COL4A3: variants seen among roughly 807,000 people sequenced by gnomAD.
COL4A3 encodes collagen type IV alpha 3 chain.
Under a neutral mutation model 217.4 loss-of-function variants are expected in COL4A3, and 135 were observed. The ratio of observed to expected loss-of-function variants is 0.62; its 90% CI spans 0.54 to 0.72. The LOEUF (loss-of-function observed/expected upper bound fraction) is 0.72. COL4A3 is among the 30% of genes least tolerant of loss of function. The pLI, the probability that COL4A3 is intolerant of heterozygous loss-of-function variation, is 0.00. For synonymous variants in COL4A3, 690 were observed against 736.3 expected, an observed-to-expected ratio of 0.94 and a Z score of 1.02; for missense variants, 1,868 against 2,119.9, an observed-to-expected ratio of 0.88 and a Z score of 2.33.
rs1189547582 is a variant in COL4A3, at chr2:227,266,975, A to G, written c.1409-18A>G. ...TCAATGTAGCTTTTTAAGTAATGCT[A>G]GTATGCTCTCATTGCAGGAGAACCA... On this transcript the variant is annotated intron_variant, in intron 22 of 51. Coordinates refer to ENST00000396578, the MANE Select transcript of COL4A3 (RefSeq NM_000091.5). 6.5e-7 allele frequency: 1 copy of G among 1,549,460 alleles called. No homozygotes were observed. The highest frequency in any genetic ancestry group is 1.1e-5 in the South Asian group (1 of 89,652).
chr2:227,276,553 C>G (rs1243415647), intron 27 of COL4A3, 76 bp downstream of exon 27: 1 of 1,120,276 alleles, frequency 8.9e-7, no homozygotes, highest in Admixed American at 1.8e-5. Flanking sequence ...AAAATACTGT[C>G]CCCATTATAA....
chr2:227,223,857 A>G (rs1261808240), intron 1 of COL4A3, among the ~76,000 whole-genome samples: 2 of 152,218 alleles, frequency 1.3e-5, no homozygotes, highest in Non-Finnish European at 2.9e-5. Context: ...TATTAATTAG[A>G]TAGTGTCTAT....
rs2070232910 is a variant in COL4A3 at position 227,257,186 on chromosome 2, T to C, written c.988-417T>C. 3.3e-5 allele frequency among the ~76,000 whole-genome samples: 5 copies of C among 152,202 alleles called. No homozygotes were observed. The South Asian group carries it at 8.3e-4, about 25-fold the overall frequency. Reference sequence around the variant, plus strand: ...TGCAGAGTCAAGATTTACCCTTTAATAGTATCACTTCCAGTAGAATTCTGA... The same window carrying C: ...TGCAGAGTCAAGATTTACCCTTTAACAGTATCACTTCCAGTAGAATTCTGA... On this transcript the variant is annotated intron_variant, in intron 17 of 51. Transcript: ENST00000396578.
intron 1 of COL4A3, among the ~76,000 whole-genome samples, chr2:227,227,248 G>C (rs1028258716): frequency 1.3e-5 from 2 of 152,142 alleles, no homozygotes; most frequent in African/African-American, 4.8e-5. Context: ...AGGGTGAGAG[G>C]GGGAGAAACA....
intron 1 of COL4A3, among the ~76,000 whole-genome samples, chr2:227,187,504 G>A (rs6737889): frequency 0.17 from 25,882 of 152,100 alleles, 2,371 homozygotes; most frequent in Admixed American, 0.25. Context: ...TGCAGGGGAG[G>A]AAGCTTGGGG....
chr2:227,257,921 G>A (rs938469800), intron 18 of COL4A3, among the ~76,000 whole-genome samples: 13 of 152,190 alleles, frequency 8.5e-5, no homozygotes, highest in African/African-American at 3.1e-4. Flanking sequence ...AGGTGATCCT[G>A]CCCCTTCAGG....
At chr2:227,258,966 A>G (rs1178502275) in intron 18 of COL4A3, among the ~76,000 whole-genome samples, 1 of 151,998 alleles carries the variant, frequency 6.6e-6, no homozygotes, top group African/African-American at 2.4e-5. Flanking sequence ...ATAAGTCAAC[A>G]AAGTAATTGA....
chr2:227,307,749 AACGTGGAGACAGTGGATC>A lies in COL4A3; in HGVS notation c.4295_4312del (p.Arg1432_Ser1437del). ...GATGGATTGCCAGGTTTGAAAGGAA[AACGTGGAGACAGTGGATC>A]ACCTGCAACCTGGACAACGAGAGGC... On this transcript the variant is annotated inframe_deletion, in exon 48 of 52. Coordinates refer to ENST00000396578, the MANE Select transcript of COL4A3 (RefSeq NM_000091.5). 1 of 1,614,216 alleles carries A rather than the reference AACGTGGAGACAGTGGATC, an allele frequency of 6.2e-7. No homozygotes were observed. Among genetic ancestry groups the A allele is most frequent in the Non-Finnish European group, 8.5e-7 (1 of 1,180,040 alleles).
rs781217495 is a variant in COL4A3 at position 227,312,304 on chromosome 2, G to T, written c.*434G>T. 2.4e-5 allele frequency: 6 copies of T among 245,046 alleles called. No homozygotes were observed. The highest frequency in any genetic ancestry group is 4.0e-5 in the Non-Finnish European group (5 of 124,156). 15.2% of individuals were successfully genotyped at this position (245,046 alleles called of 1,614,324 possible). A position where few individuals can be genotyped will look rare whatever the true frequency, so the allele number is the denominator to read the frequency against. On this transcript the variant is annotated 3_prime_UTR_variant, in exon 52 of 52. Transcript: ENST00000396578. Reference sequence around the variant, plus strand: ...AACCCTTCCTGAAACTTCAGACCCTGGGTAGGGGAAGAGAAGGGGGCATGT... The same window carrying T: ...AACCCTTCCTGAAACTTCAGACCCTTGGTAGGGGAAGAGAAGGGGGCATGT...
At chr2:227,260,991 A>C (rs2070521040) in intron 19 of COL4A3, 91 bp from the exon 20 acceptor site, 1 of 999,374 alleles carries the variant, frequency 1.0e-6, no homozygotes, top group African/African-American at 1.6e-5. Flanking sequence ...TGTATTATTA[A>C]CTATCAGTAT....
At chr2:227,192,350 G>T (rs146577805) in intron 1 of COL4A3, among the ~76,000 whole-genome samples, 62 of 152,190 alleles carry the variant, frequency 4.1e-4, no homozygotes, top group African/African-American at 1.4e-3. Flanking sequence ...ATAATGCTTT[G>T]AAATGTTAGA....
Position 227,282,167 on chromosome 2 carries a change from G to A in COL4A3, c.2489-198G>A, listed in dbSNP as rs1314463766. On this transcript the variant is annotated intron_variant, in intron 31 of 51. Coordinates refer to ENST00000396578, the MANE Select transcript of COL4A3 (RefSeq NM_000091.5). The surrounding 1 kb of genome is among the most constrained non-coding windows in gnomAD (Gnocchi z 4.4). ...CACGCCTGTAGTCCCAGCTATTTGGGAGGCTGACGCAGGAGAATCACTTGA... is the reference window on the plus strand; with the variant it reads ...CACGCCTGTAGTCCCAGCTATTTGGAAGGCTGACGCAGGAGAATCACTTGA... Among the ~76,000 whole-genome samples, 1 of 151,948 alleles carries A rather than the reference G, an allele frequency of 6.6e-6. No individual in the cohort carries two copies. Among genetic ancestry groups the A allele is most frequent in the African/African-American group, 2.4e-5 (1 of 41,362 alleles).
In COL4A3 at chr2:227,221,881, A is replaced by G. The variant is rs1284503768; in HGVS notation, c.88-16087A>G. On this transcript the variant is annotated intron_variant, in intron 1 of 51. Transcript: ENST00000396578. ...AAATTTGAAGTTGGACATTAGGAAAAAAAAAGTGAAAATAAGTGACTGAGG... is the reference window on the plus strand; with the variant it reads ...AAATTTGAAGTTGGACATTAGGAAAGAAAAAGTGAAAATAAGTGACTGAGG... Among the ~76,000 whole-genome samples the G allele has an allele frequency of 2.0e-5, 3 of 151,940 alleles. No individual in the cohort carries two copies. The East Asian group carries it at 5.8e-4, about 29-fold the overall frequency.
Position 227,282,649 on chromosome 2 carries a change from TC to T in COL4A3, c.2656+119del. 1 of 975,688 alleles carries T rather than the reference TC, an allele frequency of 1.0e-6. No individual in the cohort carries two copies. The highest frequency in any genetic ancestry group is 1.6e-6 in the Non-Finnish European group (1 of 639,072). The allele number at this position is 975,688 out of a possible 1,614,324, so 60.4% of individuals were successfully genotyped here. ...TATGCTTTTACTTAATATAAGGTTT[TC>T]CTTCTAAATTATTTGTAAGAAACCA... On this transcript the variant is annotated intron_variant, in intron 32 of 51. Transcript: ENST00000396578. The surrounding 1 kb of genome is among the most constrained non-coding windows in gnomAD (Gnocchi z 4.4).
rs919579490 is a variant in COL4A3, at chr2:227,303,256, C to T, written c.3955+146C>T. 2.1e-4 allele frequency: 147 copies of T among 694,598 alleles called. 1 individual carries two copies. Among genetic ancestry groups the T allele is most frequent in the Non-Finnish European group, 3.9e-5 (15 of 386,234 alleles). The allele number at this position is 694,598 out of a possible 1,614,324, so 43.0% of individuals were successfully genotyped here. A position where few individuals can be genotyped will look rare whatever the true frequency, so the allele number is the denominator to read the frequency against. ...CGAGTGAAGTAGGAAGGCTCCACTA[C>T]ACTATTTCAAGATTCTTTGAAATAG... On this transcript the variant is annotated intron_variant, in intron 44 of 51. Transcript: ENST00000396578.
chr2:227,271,655 A>G (rs530098318), intron 25 of COL4A3, among the ~76,000 whole-genome samples: 2 of 152,110 alleles, frequency 1.3e-5, no homozygotes, highest in African/African-American at 4.8e-5. Flanking sequence ...TATTTTCAGT[A>G]GAGACGGGGT....
intron 1 of COL4A3, among the ~76,000 whole-genome samples, chr2:227,165,969 A>G (rs1319285706): frequency 6.6e-6 from 1 of 152,164 alleles, no homozygotes; most frequent in Non-Finnish European, 1.5e-5. Flanking sequence ...ATTTACACAC[A>G]CACATATGAA....
intron 43 of COL4A3, among the ~76,000 whole-genome samples, chr2:227,299,267 C>T (rs536013589): frequency 2.1e-3 from 312 of 152,152 alleles, no homozygotes; most frequent in African/African-American, 7.2e-3. Context: ...TGGAGGCAGG[C>T]GCCTGTAGTC....
intron 34 of COL4A3, among the ~76,000 whole-genome samples, chr2:227,287,605 TG>T (rs2072415177): frequency 1.3e-5 from 2 of 152,180 alleles, no homozygotes; most frequent in African/African-American, 4.8e-5. Context: ...AAATGAAAGT[TG>T]TAAAACAAAA....
Sources: gnomAD v4.1 joint callset for allele counts (sites outside exome capture counted in the v4.1 genomes callset) on GRCh38, gnomAD v4.1.1 for gene constraint, Gnocchi (gnomAD v3.1) non-coding constraint, MANE v1.5 for transcripts, NCBI Gene and HGNC (gene_info 2026-07-23, HGNC 2026-07-21) for gene names.